The following TNKS variants were observed in gnomAD, a reference collection of about 807,000 sequenced individuals.
The protein encoded by TNKS is poly [ADP-ribose] polymerase tankyrase-1.
TNKS carries 72 observed loss-of-function variants against 135.8 expected under a neutral mutation model. That is an observed-to-expected ratio of 0.53 (90% CI 0.44 to 0.64). The LOEUF (loss-of-function observed/expected upper bound fraction) is 0.64. TNKS is among the 30% of genes least tolerant of loss of function. TNKS has a pLI of 0.00. For synonymous variants in TNKS, 849 were observed against 649.3 expected (o/e 1.31, Z -4.68); for missense variants, 1,769 against 1,674.0 (o/e 1.06, Z -0.99).
At position 9,650,392 on chromosome 8, in the gene TNKS, A is replaced by G. The variant is rs979303326; in HGVS notation, c.995-29559A>G. 2.0e-4 allele frequency among the ~76,000 whole-genome samples: 30 copies of G among 152,224 alleles called. No individual in the cohort carries two copies. In the Middle Eastern group the frequency reaches 0.01, roughly 52 times the overall value. On this transcript the variant is annotated intron_variant, in intron 3 of 26. Transcript: ENST00000310430. ...TGTGTTTTTACTTCTTTTAGTCTCC[A>G]CACTTTCTTCCGTAGTGGTTTTACT...
At chr8:9,725,953 T>A (rs117465017) in intron 12 of TNKS, among the ~76,000 whole-genome samples, 1 of 152,338 alleles carries the variant, frequency 6.6e-6, no homozygotes, top group Non-Finnish European at 1.5e-5. Context: ...TACCTCCAAT[T>A]ATACAAACAT....
chr8:9,685,853 G>T (rs893494720), intron 5 of TNKS, among the ~76,000 whole-genome samples: 1 of 152,164 alleles, frequency 6.6e-6, no homozygotes, highest in East Asian at 1.9e-4. Context: ...TGAAGAACAA[G>T]AAAGATGGAG....
intron 2 of TNKS, among the ~76,000 whole-genome samples, chr8:9,598,335 C>T (rs544364810): frequency 6.6e-6 from 1 of 152,244 alleles, no homozygotes; most frequent in East Asian, 1.9e-4. Context: ...GTGTGAGCCA[C>T]CGCGCCCGGC....
chr8:9,624,507 C>T (rs1405806593), intron 3 of TNKS, among the ~76,000 whole-genome samples: 1 of 152,152 alleles, frequency 6.6e-6, no homozygotes, highest in Non-Finnish European at 1.5e-5. Context: ...CTAGTTTCCC[C>T]TAGTGGTAAC....
Position 9,555,915 on chromosome 8 carries a change from G to C in TNKS, c.-25G>C. 1.3e-6 allele frequency: 2 copies of C among 1,577,866 alleles called. No homozygotes were observed. The highest frequency in any genetic ancestry group is 2.3e-5 in the East Asian group (1 of 44,254). The stretch of plus-strand genomic sequence containing the variant: ...GCGGGCGGTGGGGGCCGTTGCCGCA[G>C]TGACAGTGCTAGGGGAGTCCGAAGA... On this transcript the variant is annotated 5_prime_UTR_variant, in exon 1 of 27. Transcript: ENST00000310430.
chr8:9,698,839 GT>G (rs1417173891), intron 5 of TNKS, among the ~76,000 whole-genome samples: 2 of 152,122 alleles, frequency 1.3e-5, no homozygotes, highest in Non-Finnish European at 2.9e-5. Flanking sequence ...ATGCAAGTTT[GT>G]TTTTTCTTAT....
At chr8:9,668,759 T>A (rs1802124834) in intron 3 of TNKS, among the ~76,000 whole-genome samples, 1 of 152,088 alleles carries the variant, frequency 6.6e-6, no homozygotes, top group South Asian at 2.1e-4. Flanking sequence ...TTCAGGAAAA[T>A]GCAAGGTGTA....
chr8:9,674,340 C>T (rs900913171), intron 3 of TNKS, among the ~76,000 whole-genome samples: 10 of 151,986 alleles, frequency 6.6e-5, no homozygotes, highest in African/African-American at 2.4e-4. Context: ...ATCTGTTATT[C>T]AGTCCAGCAT....
intron 1 of TNKS, chr8:9,575,406 C>G: frequency 2.0e-6 from 2 of 985,264 alleles, no homozygotes; most frequent in Non-Finnish European, 2.4e-6. Context: ...CAAGGTGGGT[C>G]AACTCTACCC....
At chr8:9,672,964 C>T (rs989728403) in intron 3 of TNKS, among the ~76,000 whole-genome samples, 13 of 152,168 alleles carry the variant, frequency 8.5e-5, no homozygotes, top group Admixed American at 2.0e-4. Flanking sequence ...TTTAAAGTAC[C>T]GGCACACTTT....
chr8:9,763,062 A>AT lies in TNKS; in HGVS notation c.3275-85_3275-84insT. Reference sequence around the variant, plus strand: ...TCCAAAACCTCAATTACTTATTATGAATTTTTTTTTTTTTTTTTTTTTTAT... The same window carrying AT: ...TCCAAAACCTCAATTACTTATTATGATATTTTTTTTTTTTTTTTTTTTTTAT... On this transcript the variant is annotated intron_variant, in intron 21 of 26. Coordinates refer to ENST00000310430, the MANE Select transcript of TNKS (RefSeq NM_003747.3). The AT allele has an allele frequency of 9.6e-6, 5 of 522,784 alleles. No homozygotes were observed. The South Asian group carries it at 1.7e-4, about 18-fold the overall frequency. The allele number at this position is 522,784 out of a possible 1,614,324, so 32.4% of individuals were successfully genotyped here. A position where few individuals can be genotyped will look rare whatever the true frequency, so the allele number is the denominator to read the frequency against.
chr8:9,770,267 G>C lies in TNKS; in HGVS notation c.3897+5G>C, dbSNP rs1305259175. 1 of 1,604,472 alleles carries C rather than the reference G, an allele frequency of 6.2e-7. No individual in the cohort carries two copies. Among genetic ancestry groups the C allele is most frequent in the East Asian group, 2.2e-5 (1 of 44,640 alleles). On this transcript the variant is annotated splice_donor_5th_base_variant and intron_variant, in intron 26 of 26. Transcript: ENST00000310430. ...GTCATCTACAGAGGAGAACAGGTAT[G>C]TTACTCATCAAACAAGCATAACCAA... is the stretch of plus-strand genomic sequence containing the variant.
chr8:9,771,150 GAGAC>G lies in TNKS; in HGVS notation c.3897+895_3897+898del, dbSNP rs200534695. Among the ~76,000 whole-genome samples the G allele has an allele frequency of 6.4e-3, 954 of 148,954 alleles. 4 individuals carry two copies. Among genetic ancestry groups the G allele is most frequent in the African/African-American group, 0.021 (831 of 40,290 alleles). Reference sequence around the variant, plus strand: ...AGGAAGGGAGGGAAGGAGAGAGAGAGAGACAGACAGGAAGGAAAGGAGGGAGAGA... The same window carrying G: ...AGGAAGGGAGGGAAGGAGAGAGAGAGAGACAGGAAGGAAAGGAGGGAGAGA... On this transcript the variant is annotated intron_variant, in intron 26 of 26. Coordinates refer to ENST00000310430, the MANE Select transcript of TNKS (RefSeq NM_003747.3).
intron 2 of TNKS, among the ~76,000 whole-genome samples, chr8:9,606,973 G>C (rs1341018950): frequency 6.6e-6 from 1 of 151,940 alleles, no homozygotes; most frequent in African/African-American, 2.4e-5. Flanking sequence ...GTTTTGCCTC[G>C]GTTTTGGGCT....
intron 14 of TNKS, among the ~76,000 whole-genome samples, chr8:9,731,414 C>G (rs1202861778): frequency 7.4e-6 from 1 of 134,732 alleles, no homozygotes; most frequent in African/African-American, 2.8e-5. Flanking sequence ...GAGCTAAGAT[C>G]TCAGCATTGC....
chr8:9,720,428 GGTCACCT>G lies in TNKS; in HGVS notation c.1806_1812del (p.His603ArgfsTer7). The G allele has an allele frequency of 6.2e-7, 1 of 1,614,074 alleles. No homozygotes were observed. Among genetic ancestry groups the G allele is most frequent in the Non-Finnish European group, 8.5e-7 (1 of 1,179,996 alleles). On this transcript the variant is annotated frameshift_variant, in exon 12 of 27. Coordinates refer to ENST00000310430, the MANE Select transcript of TNKS (RefSeq NM_003747.3). LOFTEE classifies it high-confidence loss of function. ...TGCTTTGCATAGAGCCGCCCTAGCAGGTCACCTGCAGACCTGCCGCCTCCTGCTGAGT... is the reference window on the plus strand; with the variant it reads ...TGCTTTGCATAGAGCCGCCCTAGCAGGCAGACCTGCCGCCTCCTGCTGAGT...
intron 3 of TNKS, among the ~76,000 whole-genome samples, chr8:9,655,836 C>T (rs1801340469): frequency 6.6e-6 from 1 of 151,978 alleles, no homozygotes. Context: ...ATCAAAGCGC[C>T]TCTCGTCCTC....
chr8:9,588,791 C>G (rs1427272925), intron 2 of TNKS, among the ~76,000 whole-genome samples: 1 of 152,142 alleles, frequency 6.6e-6, no homozygotes, highest in African/African-American at 2.4e-5. Flanking sequence ...GTGTGAAGTG[C>G]TTTCAGACTG....
At chr8:9,587,616 G>A (rs970923805) in intron 2 of TNKS, among the ~76,000 whole-genome samples, 4 of 151,812 alleles carry the variant, frequency 2.6e-5, no homozygotes, top group African/African-American at 7.3e-5. Context: ...GTTAGCCAGG[G>A]TGGTCTCGAT....
Sources: gnomAD v4.1 joint callset for allele counts (sites outside exome capture counted in the v4.1 genomes callset) on GRCh38, gnomAD v4.1.1 for gene constraint, MANE v1.5 for transcripts, NCBI Gene and HGNC (gene_info 2026-07-23, HGNC 2026-07-21) for gene names.